PPP3CA: variants seen among roughly 807,000 people sequenced by gnomAD.
The protein encoded by PPP3CA is protein phosphatase 3 catalytic subunit alpha, also known as CAM-PRP catalytic subunit.
PPP3CA carries 14 observed loss-of-function variants against 66.5 expected under a neutral mutation model. That is an observed-to-expected ratio of 0.21 (90% CI 0.14 to 0.33). The LOEUF (loss-of-function observed/expected upper bound fraction) is 0.33, where lower values mean the gene tolerates loss of function less well. Ranked by LOEUF, PPP3CA falls within the 10% of genes least tolerant of loss-of-function variation. PPP3CA has a pLI of 1.00. For missense variants in PPP3CA, 317 were observed against 639.5 expected (o/e 0.50, Z 5.44); for synonymous variants, 232 against 226.2 (o/e 1.03, Z -0.23).
At chr4:101,072,576 A>G (rs1179588831) in intron 8 of PPP3CA, among the ~76,000 whole-genome samples, 1 of 152,204 alleles carries the variant, frequency 6.6e-6, no homozygotes, top group Non-Finnish European at 1.5e-5. Context: ...TTATACACAT[A>G]AACTCTGAGC....
intron 2 of PPP3CA, among the ~76,000 whole-genome samples, chr4:101,189,410 T>C (rs1304002698): frequency 6.6e-6 from 1 of 152,084 alleles, no homozygotes; most frequent in Non-Finnish European, 1.5e-5. Context: ...ACAATACAGT[T>C]AATGTCATGT....
chr4:101,178,869 C>G (rs1724147418), intron 2 of PPP3CA, among the ~76,000 whole-genome samples: 1 of 152,050 alleles, frequency 6.6e-6, no homozygotes, highest in Admixed American at 6.6e-5. Context: ...TCCTCAGATT[C>G]AATCCAACCA....
intron 7 of PPP3CA, among the ~76,000 whole-genome samples, chr4:101,081,550 T>C (rs1729439966): frequency 6.6e-6 from 1 of 152,220 alleles, no homozygotes; most frequent in Non-Finnish European, 1.5e-5. Context: ...TAATCAATTT[T>C]AGGAGTATCA....
intron 1 of PPP3CA, among the ~76,000 whole-genome samples, chr4:101,273,070 G>A (rs904569412): frequency 2.6e-5 from 4 of 152,086 alleles, no homozygotes; most frequent in African/African-American, 9.7e-5. Context: ...GAGTTCAAAG[G>A]ACAAGAATTT....
At chr4:101,286,697 C>T (rs1272917405) in intron 1 of PPP3CA, among the ~76,000 whole-genome samples, 1 of 152,178 alleles carries the variant, frequency 6.6e-6, no homozygotes, top group Admixed American at 6.5e-5. Context: ...AGAATTTTAA[C>T]CATTCCTCCA....
intron 1 of PPP3CA, among the ~76,000 whole-genome samples, chr4:101,317,267 C>T (rs1194700724): frequency 6.6e-6 from 1 of 151,802 alleles, no homozygotes; most frequent in South Asian, 2.1e-4. Context: ...CACACACACA[C>T]ACACACACAC....
At chr4:101,060,913 T>C (rs1377170755) in intron 10 of PPP3CA, among the ~76,000 whole-genome samples, 174 bp downstream of exon 10, 1 of 152,204 alleles carries the variant, frequency 6.6e-6, no homozygotes, top group African/African-American at 2.4e-5. Context: ...TCTCATGATA[T>C]TTGTTTCTTA....
intron 2 of PPP3CA, among the ~76,000 whole-genome samples, chr4:101,190,386 C>T (rs1428388717): frequency 5.3e-5 from 8 of 152,014 alleles, no homozygotes; most frequent in Admixed American, 5.2e-4. Flanking sequence ...TTCATGAGAA[C>T]ATAAAAGGGA....
At chr4:101,095,938 CCATG>C (rs1730177804) in intron 5 of PPP3CA, among the ~76,000 whole-genome samples, 1 of 152,138 alleles carries the variant, frequency 6.6e-6, no homozygotes, top group Non-Finnish European at 1.5e-5. Flanking sequence ...GCGTGAGGCA[CCATG>C]CTTGGCCCAG....
chr4:101,094,030 AG>A, intron 5 of PPP3CA, 115 bp from the exon 6 acceptor site: 1 of 935,386 alleles, frequency 1.1e-6, no homozygotes, highest in Non-Finnish European at 1.5e-6. Flanking sequence ...GCTACAGCTC[AG>A]GGTGAAATGT....
At chr4:101,148,212 G>A (rs1468691395) in intron 2 of PPP3CA, among the ~76,000 whole-genome samples, 4 of 151,986 alleles carry the variant, frequency 2.6e-5, no homozygotes, top group Admixed American at 1.3e-4. Context: ...CTTTGAGCTA[G>A]ATATAAAGTA....
At chr4:101,148,585 T>A (rs566792991) in intron 2 of PPP3CA, among the ~76,000 whole-genome samples, 45 of 152,302 alleles carry the variant, frequency 3.0e-4, no homozygotes, top group Non-Finnish European at 4.6e-4. Flanking sequence ...TTTACTTTTG[T>A]GAGCTGAATT....
chr4:101,210,646 T>C (rs1725272615), intron 1 of PPP3CA, among the ~76,000 whole-genome samples: 1 of 152,168 alleles, frequency 6.6e-6, no homozygotes, highest in Admixed American at 6.6e-5. Context: ...ACACAAAGCT[T>C]GCTCTCCATC....
At chr4:101,033,805 T>C (rs926479249) in intron 11 of PPP3CA, among the ~76,000 whole-genome samples, 1 of 152,216 alleles carries the variant, frequency 6.6e-6, no homozygotes, top group Non-Finnish European at 1.5e-5. Flanking sequence ...TTCAGCCCTG[T>C]ATCACTTCTA....
chr4:101,178,762 C>A (rs931608872), intron 2 of PPP3CA, among the ~76,000 whole-genome samples: 6 of 152,108 alleles, frequency 3.9e-5, no homozygotes, highest in Admixed American at 1.3e-4. Context: ...GACACCTAGA[C>A]ATCACTAAAT....
chr4:101,126,093 A>C (rs939673363), intron 2 of PPP3CA, among the ~76,000 whole-genome samples: 2 of 152,258 alleles, frequency 1.3e-5, no homozygotes, highest in Admixed American at 1.3e-4. Flanking sequence ...ATCTGCTAGA[A>C]TAATGCATGA....
At chr4:101,131,551 A>T (rs1488963540) in intron 2 of PPP3CA, among the ~76,000 whole-genome samples, 1 of 152,140 alleles carries the variant, frequency 6.6e-6, no homozygotes, top group Non-Finnish European at 1.5e-5. Context: ...AAGAAGAGCT[A>T]ACTATCCTAA....
chr4:101,095,972 G>A (rs1162458526), intron 5 of PPP3CA, among the ~76,000 whole-genome samples: 3 of 151,962 alleles, frequency 2.0e-5, no homozygotes, highest in African/African-American at 7.2e-5. Flanking sequence ...ATTTTATACT[G>A]AACCAGCATC....
chr4:101,225,694 G>T (rs1159043306), intron 1 of PPP3CA, among the ~76,000 whole-genome samples: 1 of 151,500 alleles, frequency 6.6e-6, no homozygotes, highest in Non-Finnish European at 1.5e-5. Flanking sequence ...AAAAAGTAAA[G>T]GTGTCTTTGT....
Sources: allele counts gnomAD v4.1 joint callset (sites outside exome capture counted in the v4.1 genomes callset), GRCh38; gene constraint gnomAD v4.1.1; transcripts MANE v1.5; gene names NCBI Gene and HGNC (gene_info 2026-07-23, HGNC 2026-07-21).